SUGCT: variants seen among roughly 807,000 people sequenced by gnomAD.
SUGCT encodes succinyl-CoA:glutarate-CoA transferase, also known as succinyl-CoA:glutarate CoA-transferase.
Under a neutral mutation model 55.0 loss-of-function variants are expected in SUGCT, and 41 were observed. That is an observed-to-expected ratio of 0.74 (90% CI 0.58 to 0.97). The LOEUF (loss-of-function observed/expected upper bound fraction) is 0.97. SUGCT is among the 50% of genes least tolerant of loss of function. The pLI, the probability that SUGCT is intolerant of heterozygous loss-of-function variation, is 0.00. For missense variants in SUGCT, 568 were observed against 547.8 expected (o/e 1.04, Z -0.37); for synonymous variants, 187 against 200.4 (o/e 0.93, Z 0.56).
intron 1 of SUGCT, among the ~76,000 whole-genome samples, chr7:40,172,341 C>G (rs1784716438): frequency 6.6e-6 from 1 of 152,078 alleles, no homozygotes; most frequent in African/African-American, 2.4e-5. Flanking sequence ...GGAAACGGGT[C>G]CCACATAACT....
At chr7:40,412,295 T>C (rs1456739851) in intron 9 of SUGCT, among the ~76,000 whole-genome samples, 1 of 152,224 alleles carries the variant, frequency 6.6e-6, no homozygotes, top group Non-Finnish European at 1.5e-5. Context: ...CACTCACAAA[T>C]AGACTGCTTG....
intron 3 of SUGCT, among the ~76,000 whole-genome samples, chr7:40,186,404 G>A (rs1031986584): frequency 2.0e-5 from 3 of 151,764 alleles, no homozygotes; most frequent in East Asian, 3.9e-4. Flanking sequence ...GAATACAGGC[G>A]TGTGCTACCA....
At chr7:40,288,030 A>G (rs1215719296) in intron 8 of SUGCT, among the ~76,000 whole-genome samples, 3 of 152,132 alleles carry the variant, frequency 2.0e-5, no homozygotes, top group Non-Finnish European at 2.9e-5. Flanking sequence ...GAAAAATTTC[A>G]GTTGGTCAAG....
At chr7:40,302,478 G>A (rs899040185) in intron 8 of SUGCT, among the ~76,000 whole-genome samples, 22 of 152,306 alleles carry the variant, frequency 1.4e-4, no homozygotes, top group African/African-American at 5.1e-4. Flanking sequence ...TATGTCTGTT[G>A]TCTGGTAATG....
At chr7:40,813,069 G>C (rs1791503497) in intron 13 of SUGCT, among the ~76,000 whole-genome samples, 1 of 152,140 alleles carries the variant, frequency 6.6e-6, no homozygotes, top group Non-Finnish European at 1.5e-5. Context: ...TGTAGTCCCA[G>C]AGTGTGGTTG....
chr7:40,622,527 T>TA (rs1799313551), intron 12 of SUGCT, among the ~76,000 whole-genome samples: 1 of 139,440 alleles, frequency 7.2e-6, no homozygotes, highest in Non-Finnish European at 1.6e-5. Context: ...TTGTTGTGGT[T>TA]GTTTTTTTTT....
At chr7:40,365,805 G>T (rs1217985283) in intron 9 of SUGCT, among the ~76,000 whole-genome samples, 1 of 152,134 alleles carries the variant, frequency 6.6e-6, no homozygotes, top group Non-Finnish European at 1.5e-5. Context: ...TCATGAGTAG[G>T]CAGAATCAAT....
chr7:40,835,453 T>C (rs527815438), intron 13 of SUGCT, among the ~76,000 whole-genome samples: 1 of 152,214 alleles, frequency 6.6e-6, no homozygotes, highest in African/African-American at 2.4e-5. Flanking sequence ...CTTTCCCCTA[T>C]TTCTTACATG....
At chr7:40,739,987 T>C (rs777463230) in intron 12 of SUGCT, among the ~76,000 whole-genome samples, 30 of 152,306 alleles carry the variant, frequency 2.0e-4, no homozygotes, top group African/African-American at 4.1e-4. Context: ...ATTAAACTTA[T>C]ACATTTTGGG....
intron 3 of SUGCT, among the ~76,000 whole-genome samples, chr7:40,184,760 A>G (rs1401246273): frequency 2.0e-5 from 3 of 152,372 alleles, no homozygotes; most frequent in Non-Finnish European, 2.9e-5. Context: ...AATAGTGTGT[A>G]TGTATCTCTA....
chr7:40,834,623 A>C (rs549633542), intron 13 of SUGCT, among the ~76,000 whole-genome samples: 13 of 152,288 alleles, frequency 8.5e-5, no homozygotes, highest in African/African-American at 2.2e-4. Flanking sequence ...TATTCTGCGC[A>C]CCTGGAACAT....
chr7:40,926,835 A>G, the SUGCT span, among the ~76,000 whole-genome samples: 1 of 152,208 alleles, frequency 6.6e-6, no homozygotes, highest in Admixed American at 6.5e-5. Flanking sequence ...GTAATTTGTT[A>G]TGGCAGCCCA....
chr7:40,696,185 A>G (rs973976481), intron 12 of SUGCT, among the ~76,000 whole-genome samples: 3 of 152,196 alleles, frequency 2.0e-5, no homozygotes, highest in South Asian at 2.1e-4. Context: ...CTGATTTTAC[A>G]TTAATCCTCA....
intron 7 of SUGCT, among the ~76,000 whole-genome samples, chr7:40,248,765 TAA>T (rs376506833): frequency 6.6e-5 from 10 of 152,266 alleles, no homozygotes; most frequent in African/African-American, 2.4e-4. Context: ...TTGTATTTTA[TAA>T]GAGTGAACCA....
intron 12 of SUGCT, among the ~76,000 whole-genome samples, chr7:40,672,425 C>T (rs1801985839): frequency 6.6e-6 from 1 of 152,128 alleles, no homozygotes; most frequent in South Asian, 2.1e-4. Flanking sequence ...GTATGGATCA[C>T]CAGGGAATTA....
intron 1 of SUGCT, among the ~76,000 whole-genome samples, chr7:40,174,836 A>G (rs1438629726): frequency 6.6e-6 from 1 of 152,190 alleles, no homozygotes; most frequent in Admixed American, 6.5e-5. Context: ...GAAAGTGTCA[A>G]TTGCTCTCCT....
chr7:40,962,280 G>C, the SUGCT span, among the ~76,000 whole-genome samples: 1 of 152,010 alleles, frequency 6.6e-6, no homozygotes, highest in Non-Finnish European at 1.5e-5. Context: ...CCTTTAGCTA[G>C]ACAGAAAAGT....
intron 12 of SUGCT, among the ~76,000 whole-genome samples, chr7:40,693,850 G>A (rs944193923): frequency 1.3e-5 from 2 of 152,098 alleles, no homozygotes; most frequent in African/African-American, 2.4e-5. Context: ...AAAGTTCTAC[G>A]GGAAGACACT....
chr7:40,769,227 A>C (rs1173522634), intron 13 of SUGCT, among the ~76,000 whole-genome samples: 1 of 152,170 alleles, frequency 6.6e-6, no homozygotes, highest in Non-Finnish European at 1.5e-5. Context: ...AGAGTAGGGA[A>C]TTGACTTAAG....
Sources: allele counts gnomAD v4.1 joint callset (sites outside exome capture counted in the v4.1 genomes callset), GRCh38; gene constraint gnomAD v4.1.1; transcripts MANE v1.5; gene names NCBI Gene and HGNC (gene_info 2026-07-23, HGNC 2026-07-21).